MCMDC2: variants seen among roughly 807,000 people sequenced by gnomAD.
MCMDC2 encodes the protein minichromosome maintenance domain-containing protein 2.
MCMDC2 carries 54 observed loss-of-function variants against 75.8 expected under a neutral mutation model. The observed-to-expected ratio is 0.71, with a 90% CI of 0.57 to 0.89. The LOEUF is 0.89. Among genes scored for constraint, MCMDC2 ranks in the 40% least tolerant of loss-of-function variants. The pLI is 0.00. For synonymous variants in MCMDC2, 249 were observed against 274.6 expected, an observed-to-expected ratio of 0.91 and a Z score of 0.92; for missense variants, 656 against 780.4, an observed-to-expected ratio of 0.84 and a Z score of 1.90.
At chr8:66,888,868 C>A (rs1296481650) in intron 9 of MCMDC2, among the ~76,000 whole-genome samples, 1 of 152,186 alleles carries the variant, frequency 6.6e-6, no homozygotes, top group Non-Finnish European at 1.5e-5. Flanking sequence ...ATATTTATCA[C>A]TGTGTCTCAC....
chr8:66,907,515 A>G (rs1812952748), intron 14 of MCMDC2, among the ~76,000 whole-genome samples: 1 of 152,140 alleles, frequency 6.6e-6, no homozygotes, highest in Admixed American at 6.5e-5. Flanking sequence ...GCTATTGTAA[A>G]TAGTGCTGCA....
At chr8:66,910,157 C>T (rs1813045762) in intron 14 of MCMDC2, among the ~76,000 whole-genome samples, 2 of 152,182 alleles carry the variant, frequency 1.3e-5, no homozygotes, top group South Asian at 4.1e-4. Flanking sequence ...TGTGGATATC[C>T]CTGCAGAAGT....
chr8:66,893,354 G>A (rs1408620344), intron 10 of MCMDC2, among the ~76,000 whole-genome samples: 1 of 152,078 alleles, frequency 6.6e-6, no homozygotes, highest in African/African-American at 2.4e-5. Context: ...ACAAAAAAAA[G>A]CAATAAAAGC....
In MCMDC2 at chr8:66,876,253, ATT is replaced by A. The variant is rs373516813; in HGVS notation, c.286-1093_286-1092del. Among the ~76,000 whole-genome samples, 671 of 152,208 alleles carry A rather than the reference ATT, an allele frequency of 4.4e-3. 9 individuals are homozygous for A. The highest frequency in any genetic ancestry group is 0.015 in the African/African-American group (636 of 41,548). On this transcript the variant is annotated intron_variant, in intron 4 of 14. Transcript: ENST00000422365. Reference sequence around the variant, plus strand: ...TAGCTGAAATTCTTCTGTAAGAGTAATTTTCTCTCATCAGCTATTTAGTTACT... The same window carrying A: ...TAGCTGAAATTCTTCTGTAAGAGTAATTCTCTCATCAGCTATTTAGTTACT...
chr8:66,922,463 C>A (rs1215055285), downstream of MCMDC2: 4 of 517,668 alleles, frequency 7.7e-6, no homozygotes, highest in Non-Finnish European at 1.5e-5. Context: ...AATCAATGTA[C>A]AGTACTGGCA....
chr8:66,900,674 C>A (rs983631802), intron 12 of MCMDC2, among the ~76,000 whole-genome samples: 9 of 151,414 alleles, frequency 5.9e-5, no homozygotes, highest in African/African-American at 1.2e-4. Context: ...GCACAAAACT[C>A]AAAAAAAACA....
rs758906215 is a variant in MCMDC2 at position 66,874,453 on chromosome 8, A to G, written c.222A>G (p.Gln74=). ...CTTTAAAAGCTGCTGAAGTCTTTCA[A>G]TCAGTAAGTCAAAAAAAGAAATAAT... The part of the protein sequence containing the change: ...HQPLKAAEVF[Q]SVCFIAVKTL... Residue 74 remains glutamine (Q), a synonymous_variant, in exon 3 of 15, where the codon CAA becomes CAG. Transcript: ENST00000422365. The G allele has an allele frequency of 1.2e-5, 20 of 1,612,626 alleles. No individual in the cohort carries two copies. The East Asian group carries it at 1.8e-4, about 14-fold the overall frequency.
intron 5 of MCMDC2, 96 bp downstream of exon 5, chr8:66,877,640 G>A: frequency 1.2e-6 from 1 of 852,596 alleles, no homozygotes; most frequent in South Asian, 1.9e-5. Flanking sequence ...TGAGGAGGGA[G>A]GATCACCTGA....
intron 10 of MCMDC2, among the ~76,000 whole-genome samples, chr8:66,893,593 T>G (rs2130829023): frequency 6.6e-6 from 1 of 152,278 alleles, no homozygotes; most frequent in South Asian, 2.1e-4. Flanking sequence ...TGAGACTTAT[T>G]CATTATCATG....
intron 1 of MCMDC2, 82 bp from the exon 2 acceptor site, chr8:66,873,971 C>T: frequency 2.1e-6 from 1 of 467,126 alleles, no homozygotes; most frequent in Non-Finnish European, 3.6e-6. Context: ...GAAATTTTGC[C>T]TAGTTTTAGT....
At position 66,883,785 on chromosome 8, in the gene MCMDC2, G is replaced by A. The variant is rs1480267063; in HGVS notation, c.864G>A (p.Arg288=). The A allele has an allele frequency of 6.2e-7, 1 of 1,611,416 alleles. No individual in the cohort carries two copies. Among genetic ancestry groups the A allele is most frequent in the Non-Finnish European group, 8.5e-7 (1 of 1,178,580 alleles). Residue 288 remains arginine, a synonymous_variant, in exon 9 of 15, where the codon AGG becomes AGA. Coordinates refer to ENST00000422365, the MANE Select transcript of MCMDC2 (RefSeq NM_173518.5). ...KVPSGISDNF[R]CLLSLTSSSC... ...CTTCAGGAATTAGTGACAACTTCAG[G>A]TGTCTCCTCTCCTTAACTTCCAGCT...
intron 14 of MCMDC2, among the ~76,000 whole-genome samples, chr8:66,910,415 A>C (rs923701933): frequency 2.6e-5 from 4 of 152,202 alleles, no homozygotes; most frequent in Admixed American, 2.0e-4. Flanking sequence ...TGCCCTACAA[A>C]GCCACGGGGG....
chr8:66,902,786 T>C (rs1812759255), intron 13 of MCMDC2, among the ~76,000 whole-genome samples: 1 of 140,672 alleles, frequency 7.1e-6, no homozygotes, highest in African/African-American at 2.6e-5. Flanking sequence ...TGAGTTCAAA[T>C]ACAAAACATA....
chr8:66,912,644 A>T (rs1053176951), intron 14 of MCMDC2, among the ~76,000 whole-genome samples: 5 of 152,192 alleles, frequency 3.3e-5, no homozygotes, highest in Non-Finnish European at 1.5e-5. Context: ...AGGGACATGG[A>T]TGAAGCTGGA....
At chr8:66,898,417 G>A (rs1812462114) in intron 12 of MCMDC2, among the ~76,000 whole-genome samples, 1 of 152,050 alleles carries the variant, frequency 6.6e-6, no homozygotes. Context: ...CTGAGGTAGG[G>A]AGTTGGAGAC....
rs753363887 is a variant in MCMDC2, at chr8:66,874,126, A to G, written c.-15A>G. ...AATTGTGGTTTAATCAATTAGAAATATTAACCAGGAGAAAATGTCAAATCT... is the reference window on the plus strand; with the variant it reads ...AATTGTGGTTTAATCAATTAGAAATGTTAACCAGGAGAAAATGTCAAATCT... On this transcript the variant is annotated 5_prime_UTR_variant, in exon 2 of 15. In the 5' UTR this introduces an upstream ATG that the reference lacks. Transcript: ENST00000422365. 1 of 1,570,510 alleles carries G rather than the reference A, an allele frequency of 6.4e-7. No individual in the cohort carries two copies. Among genetic ancestry groups the G allele is most frequent in the East Asian group, 2.3e-5 (1 of 44,300 alleles).
Position 66,874,079 on chromosome 8 carries a change from G to A in MCMDC2, c.-62G>A, listed in dbSNP as rs796541417. On this transcript the variant is annotated 5_prime_UTR_variant, in exon 2 of 15. Coordinates refer to ENST00000422365, the MANE Select transcript of MCMDC2 (RefSeq NM_173518.5). ...TTTTCACATCCTTTCTATGAGTTTCGCCATCTATAGCTTTTATCAACAATT... is the reference window on the plus strand; with the variant it reads ...TTTTCACATCCTTTCTATGAGTTTCACCATCTATAGCTTTTATCAACAATT... 47 of 1,132,544 alleles carry A rather than the reference G, an allele frequency of 4.1e-5. No individual in the cohort carries two copies. The highest frequency in any genetic ancestry group is 3.6e-4 in the African/African-American group (23 of 63,170). 70.2% of individuals were successfully genotyped at this position (1,132,544 alleles called of 1,614,324 possible).
At chr8:66,900,095 A>T (rs1052476733) in intron 12 of MCMDC2, among the ~76,000 whole-genome samples, 1 of 151,696 alleles carries the variant, frequency 6.6e-6, no homozygotes, top group Non-Finnish European at 1.5e-5. Context: ...AGATCGTGCC[A>T]CGGCACTCCA....
chr8:66,898,918 A>G (rs1188337892), intron 12 of MCMDC2, among the ~76,000 whole-genome samples: 2 of 152,206 alleles, frequency 1.3e-5, no homozygotes, highest in African/African-American at 4.8e-5. Context: ...TGGAGCAAAA[A>G]TTGTATTTTG....
Sources: allele counts gnomAD v4.1 joint callset (sites outside exome capture counted in the v4.1 genomes callset), GRCh38; gene constraint gnomAD v4.1.1; transcripts MANE v1.5; gene names NCBI Gene and HGNC (gene_info 2026-07-23, HGNC 2026-07-21).